The following HEATR5A variants were observed in gnomAD, a reference collection of about 807,000 sequenced individuals.
HEATR5A encodes the protein HEAT repeat-containing protein 5A.
Under a neutral mutation model 218.8 loss-of-function variants are expected in HEATR5A, and 178 were observed. The ratio of observed to expected loss-of-function variants is 0.81; its 90% CI spans 0.72 to 0.92. The LOEUF (loss-of-function observed/expected upper bound fraction) is 0.92, where lower values mean the gene tolerates loss of function less well. HEATR5A is among the 40% of genes least tolerant of loss of function. The pLI is 0.00. For missense variants in HEATR5A, 2,420 were observed against 2,418.9 expected (o/e 1.00, Z -0.01); for synonymous variants, 864 against 871.6 (o/e 0.99, Z 0.15).
At chr14:31,419,077 C>T (rs2031553455) in intron 1 of HEATR5A, among the ~76,000 whole-genome samples, 1 of 151,960 alleles carries the variant, frequency 6.6e-6, no homozygotes, top group Non-Finnish European at 1.5e-5. Context: ...AAAAAAGTGA[C>T]CTAATCTAAC....
intron 22 of HEATR5A, among the ~76,000 whole-genome samples, chr14:31,332,005 C>T (rs1224124750): frequency 6.6e-6 from 1 of 152,122 alleles, no homozygotes; most frequent in Non-Finnish European, 1.5e-5. Flanking sequence ...GAAATGCAAA[C>T]TTAAGTATTT....
chr14:31,418,912 T>G (rs373281562), intron 1 of HEATR5A, among the ~76,000 whole-genome samples: 2 of 152,320 alleles, frequency 1.3e-5, no homozygotes, highest in East Asian at 3.9e-4. Context: ...GTAAGTGTAT[T>G]GGTTAAAGAC....
At chr14:31,319,073 C>T (rs991633702) in intron 25 of HEATR5A, among the ~76,000 whole-genome samples, 1 of 152,038 alleles carries the variant, frequency 6.6e-6, no homozygotes, top group Admixed American at 6.6e-5. Context: ...CTAGCACTTG[C>T]GATTGTAAGA....
intron 11 of HEATR5A, among the ~76,000 whole-genome samples, chr14:31,376,201 C>T (rs563062100): frequency 1.3e-5 from 2 of 152,214 alleles, no homozygotes; most frequent in Admixed American, 6.5e-5. Flanking sequence ...GTTTCTGAGG[C>T]GTATATGAGT....
At chr14:31,378,059 G>C (rs1365959638) in intron 11 of HEATR5A, among the ~76,000 whole-genome samples, 1 of 152,082 alleles carries the variant, frequency 6.6e-6, no homozygotes, top group Non-Finnish European at 1.5e-5. Flanking sequence ...AATTCACCAG[G>C]AACTTCAATA....
At chr14:31,335,472 G>A (rs1432025824) in intron 22 of HEATR5A, among the ~76,000 whole-genome samples, 2 of 151,506 alleles carry the variant, frequency 1.3e-5, no homozygotes, top group East Asian at 1.9e-4. Flanking sequence ...AGTACATGCC[G>A]CCACAACTTG....
chr14:31,294,697 C>G (rs1899122091), intron 34 of HEATR5A, among the ~76,000 whole-genome samples: 1 of 152,092 alleles, frequency 6.6e-6, no homozygotes, highest in Admixed American at 6.6e-5. Flanking sequence ...AGACATGAGC[C>G]ACCGTGCCCA....
intron 12 of HEATR5A, among the ~76,000 whole-genome samples, chr14:31,374,413 A>ATT (rs1201552740): frequency 1.3e-5 from 2 of 152,046 alleles, no homozygotes; most frequent in Admixed American, 1.3e-4. Flanking sequence ...CTAGACACAG[A>ATT]TTTTTGACTT....
chr14:31,390,786 TAAAC>T (rs2030422139), intron 6 of HEATR5A, among the ~76,000 whole-genome samples: 1 of 151,944 alleles, frequency 6.6e-6, no homozygotes, highest in African/African-American at 2.4e-5. Flanking sequence ...TACTTGATAA[TAAAC>T]AACTGTTACT....
At chr14:31,411,008 AT>A (rs1276676655) in intron 1 of HEATR5A, among the ~76,000 whole-genome samples, 1 of 152,216 alleles carries the variant, frequency 6.6e-6, no homozygotes, top group Non-Finnish European at 1.5e-5. Context: ...AAATAATTTG[AT>A]TGAGCTGAGT....
intron 1 of HEATR5A, among the ~76,000 whole-genome samples, chr14:31,407,460 C>G (rs1265223113): frequency 6.6e-6 from 1 of 152,076 alleles, no homozygotes; most frequent in Admixed American, 6.6e-5. Context: ...TTATGACTCT[C>G]CATGAATGCA....
chr14:31,417,945 A>T (rs2031510501), intron 1 of HEATR5A, among the ~76,000 whole-genome samples: 1 of 152,036 alleles, frequency 6.6e-6, no homozygotes, highest in Non-Finnish European at 1.5e-5. Context: ...GTGGCTCATG[A>T]CTGTAATATC....
intron 28 of HEATR5A, 62 bp downstream of exon 28, chr14:31,312,906 A>G (rs200158594): frequency 2.9e-6 from 4 of 1,384,688 alleles, no homozygotes; most frequent in Non-Finnish European, 2.0e-6. Flanking sequence ...AAAAACAAAA[A>G]AAAAGAAAAG....
At chr14:31,297,594 G>C (rs1899230702) in intron 33 of HEATR5A, 1 of 152,182 alleles carries the variant, frequency 6.6e-6, no homozygotes, top group African/African-American at 2.4e-5. Context: ...ATACTCAAGA[G>C]GCACAGTAGC....
chr14:31,375,135 C>T (rs973735878), intron 11 of HEATR5A, among the ~76,000 whole-genome samples, 167 bp from the exon 12 acceptor site: 7 of 152,128 alleles, frequency 4.6e-5, no homozygotes, highest in African/African-American at 7.2e-5. Context: ...GAATTATTAT[C>T]TGAAGGTGCT....
chr14:31,316,325 TA>T (rs147402598), intron 26 of HEATR5A, among the ~76,000 whole-genome samples: 44,053 of 148,838 alleles, frequency 0.3, 7,722 homozygotes, highest in Non-Finnish European at 0.41. Flanking sequence ...GCCCATCTCT[TA>T]AAAAAAAAAA....
At chr14:31,294,249 T>A in intron 34 of HEATR5A, 145 bp from the exon 35 acceptor site, 2 of 611,208 alleles carry the variant, frequency 3.3e-6, no homozygotes, top group Admixed American at 3.0e-5. Flanking sequence ...GGCCAACAGG[T>A]AATCAAACAT....
Position 31,302,508 on chromosome 14 carries a change from T to C in HEATR5A, c.5251A>G (p.Ile1751Val), listed in dbSNP as rs750524685. 2.6e-5 allele frequency: 41 copies of C among 1,570,022 alleles called. No homozygotes were observed. Among genetic ancestry groups the C allele is most frequent in the East Asian group, 2.6e-4 (11 of 43,058 alleles). The change falls in exon 33 of 36, where the codon ATT becomes GTT. Residue 1751 changes from isoleucine to valine, a missense_variant. By Grantham distance (29) the Ile-to-Val change is conservative. Transcript: ENST00000543095. ...GTGAGGTACAATATAGTAGGGAGAATTGAGATGCTTCCTGTAAGATACATT... is the reference window on the plus strand; with the variant it reads ...GTGAGGTACAATATAGTAGGGAGAACTGAGATGCTTCCTGTAAGATACATT... ...AVCSPEGSIS[I>V]LPTILYLTIG...
Position 31,402,917 on chromosome 14 carries a change from A to C in HEATR5A, c.59T>G (p.Val20Gly). The C allele has an allele frequency of 6.5e-7, 1 of 1,536,384 alleles. No individual in the cohort carries two copies. The highest frequency in any genetic ancestry group is 1.4e-5 in the African/African-American group (1 of 73,142). Residue 20 changes from valine (V) to glycine (G), a missense_variant, in exon 2 of 36, where the codon GTT (valine) becomes GGT (glycine). Transcript: ENST00000543095. Reference protein sequence around the residue: ...NEEAYNQLGEVQKAEFIFEWL... With the variant: ...NEEAYNQLGEGQKAEFIFEWL... ...CTCAAAAATAAACTCTGCCTTCTGA[A>C]CTTCACCTAGTTGATTGTATGCTTC...
Sources: gnomAD v4.1 joint callset for allele counts (sites outside exome capture counted in the v4.1 genomes callset) on GRCh38, gnomAD v4.1.1 for gene constraint, MANE v1.5 for transcripts, NCBI Gene and HGNC (gene_info 2026-07-23, HGNC 2026-07-21) for gene names.